The following MIB2 variants were observed in gnomAD, a reference collection of about 807,000 sequenced individuals.
MIB2 encodes the protein E3 ubiquitin-protein ligase MIB2.
A neutral mutation model predicts 96.6 loss-of-function variants in MIB2; 78 were observed. The observed-to-expected ratio is 0.81, with a 90% CI of 0.67 to 0.97. MIB2 has a LOEUF of 0.97. MIB2 is among the 50% of genes least tolerant of loss of function. The pLI is 0.00. For synonymous variants in MIB2, 820 were observed against 629.5 expected (o/e 1.30, Z -4.53); for missense variants, 1,543 against 1,424.0 (o/e 1.08, Z -1.35).
In MIB2 at chr1:1,628,624, G is replaced by A; in HGVS notation, c.2104G>A (p.Asp702Asn). The A allele has an allele frequency of 6.3e-7, 1 of 1,598,494 alleles. No homozygotes were observed. Among genetic ancestry groups the A allele is most frequent in the Non-Finnish European group, 8.5e-7 (1 of 1,176,332 alleles). Reference sequence around the variant, plus strand: ...TGTCAACGCCGAGGACGAGGAGGGGGACACAGCCCTGCACGTGGCGCTGCA... The same window carrying A: ...TGTCAACGCCGAGGACGAGGAGGGGAACACAGCCCTGCACGTGGCGCTGCA... ...CSVNAEDEEG[D>N]TALHVALQRH... The change falls in exon 16 of 20, where the codon GAC becomes AAC. Residue 702 changes from aspartate to asparagine, a missense_variant. Asp to Asn is a conservative substitution (Grantham distance 23). Transcript: ENST00000355826.
In MIB2 at chr1:1,626,404, A is replaced by C; in HGVS notation, c.973-246A>C. ...AGCCACCTCGGCTTCACACCTGCCC[A>C]GAGCTGGCTTCTGTCTGCCTGGACA... On this transcript the variant is annotated intron_variant, in intron 8 of 19. Coordinates refer to ENST00000355826, the MANE Select transcript of MIB2 (RefSeq NM_001170687.4). The surrounding 1 kb of genome is among the most constrained non-coding windows in gnomAD (Gnocchi z 5.3). The C allele has an allele frequency of 1.9e-6, 1 of 526,238 alleles. No homozygotes were observed. Among genetic ancestry groups the C allele is most frequent in the South Asian group, 2.9e-5 (1 of 34,340 alleles). 32.6% of individuals were successfully genotyped at this position (526,238 alleles called of 1,614,324 possible). A position where few individuals can be genotyped will look rare whatever the true frequency, so the allele number is the denominator to read the frequency against.
At position 1,626,143 on chromosome 1, in the gene MIB2, G is replaced by C. The variant is rs959822824; in HGVS notation, c.972+490G>C. ...ATGGCCCTGGGAGGGGCAGGCCCGG[G>C]GCAAAGCGTCAGAGCTCAGCTCTGG... On this transcript the variant is annotated intron_variant, in intron 8 of 19. Transcript: ENST00000355826. This position sits in a 1 kb window ranked among gnomAD's most constrained non-coding sequence, Gnocchi z 5.3. The C allele has an allele frequency of 2.5e-5, 5 of 200,090 alleles. No homozygotes were observed. The highest frequency in any genetic ancestry group is 5.3e-5 in the Admixed American group (1 of 18,774). The allele number at this position is 200,090 out of a possible 1,614,324, so 12.4% of individuals were successfully genotyped here. A position where few individuals can be genotyped will look rare whatever the true frequency, so the allele number is the denominator to read the frequency against.
In MIB2 at chr1:1,626,317, C is replaced by T. The variant is rs563636429; in HGVS notation, c.973-333C>T. ...CCATGGTCCTGGGGCCCCACCCCCACGCTGGCTCACGGGCCCTGGCCATGT... is the reference window on the plus strand; with the variant it reads ...CCATGGTCCTGGGGCCCCACCCCCATGCTGGCTCACGGGCCCTGGCCATGT... On this transcript the variant is annotated intron_variant, in intron 8 of 19. Transcript: ENST00000355826. This position sits in a 1 kb window ranked among gnomAD's most constrained non-coding sequence, Gnocchi z 5.3. 20 of 382,572 alleles carry T rather than the reference C, an allele frequency of 5.2e-5. No homozygotes were observed. The East Asian group carries it at 5.4e-4, about 10-fold the overall frequency. The allele number at this position is 382,572 out of a possible 1,614,324, so 23.7% of individuals were successfully genotyped here.
intron 2 of MIB2, among the ~76,000 whole-genome samples, chr1:1,620,397 G>A (rs1245784061): frequency 6.6e-6 from 1 of 152,208 alleles, no homozygotes; most frequent in Non-Finnish European, 1.5e-5. Flanking sequence ...ACCTCCAGTC[G>A]GTTCTGCGGC....
intron 2 of MIB2, chr1:1,617,453 T>C (rs192826301): frequency 6.6e-6 from 1 of 152,352 alleles, no homozygotes; most frequent in East Asian, 1.9e-4. Context: ...TGCAGTTTCT[T>C]GTGAAAAAGA....
At position 1,625,022 on chromosome 1, in the gene MIB2, C is replaced by T. The variant is rs771156063; in HGVS notation, c.558C>T (p.Asp186=). ...GGEGKPGRVV[D]IRGWDVETGR... ...AAGGGAAACCGGGCCGTGTGGTGGA[C>T]ATCCGTGGCTGGGATGTGGAGACAG... Residue 186 remains aspartate, a synonymous_variant, in exon 6 of 20, where the codon GAC becomes GAT. Coordinates refer to ENST00000355826, the MANE Select transcript of MIB2 (RefSeq NM_001170687.4). The surrounding 1 kb of genome is among the most constrained non-coding windows in gnomAD (Gnocchi z 5.0). 1.2e-6 allele frequency: 2 copies of T among 1,612,962 alleles called. No individual in the cohort carries two copies. Among genetic ancestry groups the T allele is most frequent in the East Asian group, 2.2e-5 (1 of 44,874 alleles).
chr1:1,623,871 C>T lies in MIB2; in HGVS notation c.345C>T (p.Cys115=). The T allele has an allele frequency of 6.2e-7, 1 of 1,611,992 alleles. No individual in the cohort carries two copies. The highest frequency in any genetic ancestry group is 1.3e-5 in the African/African-American group (1 of 75,024). Residue 115 remains cysteine (C), a synonymous_variant, in exon 4 of 20, where the codon TGC becomes TGT. Transcript: ENST00000355826. ...GTGTGTGCCTGGACTACGACCTCTG[C>T]ACGCAGTGCTACATGCACAACAAGC... ...KCRVCLDYDL[C]TQCYMHNKHE...
chr1:1,614,053 TAACTC>T (rs1418737173), upstream of MIB2: 3 of 151,600 alleles, frequency 2.0e-5, no homozygotes, highest in East Asian at 3.9e-4. Context: ...AGGTAATTAT[TAACTC>T]AAAAGAAAAA....
In MIB2 at chr1:1,628,342, G is replaced by C; in HGVS notation, c.1911G>C (p.Ala637=). ...CCAAGAAGGAGGACGGCTTCACGGC[G>C]CTGCATCTGGCTGCCCTCAACAACC... is the stretch of plus-strand genomic sequence containing the variant. The part of the protein sequence containing the change: ...VDAKKEDGFT[A]LHLAALNNHR... Residue 637 remains alanine, a synonymous_variant, in exon 15 of 20, where the codon GCG becomes GCC. Coordinates refer to ENST00000355826, the MANE Select transcript of MIB2 (RefSeq NM_001170687.4). 6.2e-7 allele frequency: 1 copy of C among 1,612,782 alleles called. No homozygotes were observed. The highest frequency in any genetic ancestry group is 8.5e-7 in the Non-Finnish European group (1 of 1,179,916).
At position 1,623,659 on chromosome 1, in the gene MIB2, G is replaced by T; in HGVS notation, c.207G>T (p.Gln69His). Residue 69 changes from glutamine (Q) to histidine (H), a missense_variant, in exon 3 of 20, where the codon CAG (glutamine) becomes CAT (histidine). Transcript: ENST00000355826. ...GTRTNYRAGY[Q>H]GAHDLLLYDN... ...GCACCAACTACCGCGCCGGCTACCA[G>T]GGCGCGCACGACCTGCTGCTGTACG... is the stretch of plus-strand genomic sequence containing the variant. 1 of 1,481,390 alleles carries T rather than the reference G, an allele frequency of 6.8e-7. No homozygotes were observed. 91.8% of individuals were successfully genotyped at this position (1,481,390 alleles called of 1,614,324 possible).
chr1:1,623,209 G>A (rs1042324031), intron 2 of MIB2: 32 of 710,176 alleles, frequency 4.5e-5, no homozygotes, highest in Admixed American at 1.4e-4. Flanking sequence ...TGCAGTTCCC[G>A]CGCCAGGCTG....
At position 1,626,509 on chromosome 1, in the gene MIB2, C is replaced by CA; in HGVS notation, c.973-140dup. ...GCTCTCGTCCAGCCAGAGCCTCTGG[C>CA]AGTGCCTGGGGTCGGGGTCGGGGCC... is the stretch of plus-strand genomic sequence containing the variant. On this transcript the variant is annotated intron_variant, in intron 8 of 19. Coordinates refer to ENST00000355826, the MANE Select transcript of MIB2 (RefSeq NM_001170687.4). This position sits in a 1 kb window ranked among gnomAD's most constrained non-coding sequence, Gnocchi z 5.3. 3 of 681,164 alleles carry CA rather than the reference C, an allele frequency of 4.4e-6. No homozygotes were observed. In the East Asian group the frequency reaches 8.3e-5, roughly 19 times the overall value. The allele number at this position is 681,164 out of a possible 1,614,324, so 42.2% of individuals were successfully genotyped here.
Position 1,623,636 on chromosome 1 carries a change from AC to A in MIB2, c.186del (p.Asn63ThrfsTer81). On this transcript the variant is annotated frameshift_variant, in exon 3 of 20. Coordinates refer to ENST00000355826, the MANE Select transcript of MIB2 (RefSeq NM_001170687.4). LOFTEE classifies it high-confidence loss of function. ...CGTGCAGTGGGACCAGGGCACGCGC[AC>A]CAACTACCGCGCCGGCTACCAGGGC... ...VVVQWDQGTRTNYRAGYQGAH... is the reference protein window; with the variant it reads ...VVVQWDQGTRXNYRAGYQGAH... 6.8e-7 allele frequency: 1 copy of A among 1,479,204 alleles called. No individual in the cohort carries two copies. The highest frequency in any genetic ancestry group is 9.0e-7 in the Non-Finnish European group (1 of 1,112,728). 91.6% of individuals were successfully genotyped at this position (1,479,204 alleles called of 1,614,324 possible).
chr1:1,620,693 C>T (rs1362358633), intron 2 of MIB2, among the ~76,000 whole-genome samples: 1 of 152,168 alleles, frequency 6.6e-6, no homozygotes, highest in Non-Finnish European at 1.5e-5. Flanking sequence ...AGTGGGGGAG[C>T]TCAGCCCAGG....
Position 1,615,627 on chromosome 1 carries a change from G to T in MIB2, c.-136G>T. 1 of 1,573,738 alleles carries T rather than the reference G, an allele frequency of 6.4e-7. No homozygotes were observed. The highest frequency in any genetic ancestry group is 1.8e-5 in the Admixed American group (1 of 56,662). On this transcript the variant is annotated 5_prime_UTR_variant, in exon 1 of 20. Transcript: ENST00000355826. The stretch of plus-strand genomic sequence containing the variant: ...TGGCGCGATGCGGGCCGTCCTCTCG[G>T]CTGATGGTGCGTGCGGGCGCGGATC...
chr1:1,622,448 G>A (rs1002180306), intron 2 of MIB2, among the ~76,000 whole-genome samples: 6 of 152,192 alleles, frequency 3.9e-5, no homozygotes, highest in Non-Finnish European at 7.4e-5. Context: ...GGGGGTCAGC[G>A]CCCAGACTGG....
intron 16 of MIB2, 147 bp from the exon 17 acceptor site, chr1:1,628,986 C>A: frequency 1.1e-6 from 1 of 915,958 alleles, no homozygotes; most frequent in Non-Finnish European, 1.5e-6. Flanking sequence ...GCCCCTCCTG[C>A]CTGTCCCACT....
rs1177300005 is a variant in MIB2, at chr1:1,628,391, A to G, written c.1960A>G (p.Ile654Val). ...CCACCGCGAGGTGGCCCAGATCCTC[A>G]TCCGGGAGGTGCGGACGCGGCCCAG... ...NNHREVAQIL[I>V]REGRCDVNVR... The change falls in exon 15 of 20, where the codon ATC becomes GTC. Residue 654 changes from isoleucine to valine, a missense_variant. By Grantham distance (29) the Ile-to-Val change is conservative (BLOSUM62 3). Transcript: ENST00000355826. 1 of 1,612,140 alleles carries G rather than the reference A, an allele frequency of 6.2e-7. No individual in the cohort carries two copies.
Position 1,627,057 on chromosome 1 carries a change from C to A in MIB2, c.1241-17C>A, listed in dbSNP as rs28510084. ...GGGGCTGCCCCTGGCCACCACTAACCTCAGCCCTGCCCCCAGGCTCACTGA... is the reference window on the plus strand; with the variant it reads ...GGGGCTGCCCCTGGCCACCACTAACATCAGCCCTGCCCCCAGGCTCACTGA... On this transcript the variant is annotated splice_polypyrimidine_tract_variant and intron_variant, in intron 10 of 19. Coordinates refer to ENST00000355826, the MANE Select transcript of MIB2 (RefSeq NM_001170687.4). 7 of 1,599,918 alleles carry A rather than the reference C, an allele frequency of 4.4e-6. No homozygotes were observed. The highest frequency in any genetic ancestry group is 6.0e-6 in the Non-Finnish European group (7 of 1,173,746).
Sources: gnomAD v4.1 joint callset for allele counts (sites outside exome capture counted in the v4.1 genomes callset) on GRCh38, gnomAD v4.1.1 for gene constraint, Gnocchi (gnomAD v3.1) non-coding constraint, MANE v1.5 for transcripts, NCBI Gene and HGNC (gene_info 2026-07-23, HGNC 2026-07-21) for gene names.